The following NUBPL variants were observed in gnomAD, a reference collection of about 807,000 sequenced individuals.
NUBPL encodes the protein NUBP iron-sulfur cluster assembly factor, mitochondrial.
NUBPL carries 31 observed loss-of-function variants against 45.7 expected under a neutral mutation model. The observed-to-expected ratio is 0.68, with a 90% CI of 0.51 to 0.92. The LOEUF (loss-of-function observed/expected upper bound fraction) is 0.92, where lower values mean the gene tolerates loss of function less well. Ranked by LOEUF, NUBPL falls within the 40% of genes least tolerant of loss-of-function variation. The pLI, the probability that NUBPL is intolerant of heterozygous loss-of-function variation, is 0.00. For missense variants in NUBPL, 401 were observed against 398.7 expected (o/e 1.01, Z -0.05); for synonymous variants, 144 against 140.9 (o/e 1.02, Z -0.15).
chr14:31,757,200 A>G (rs1317619336), intron 6 of NUBPL, among the ~76,000 whole-genome samples: 7 of 119,988 alleles, frequency 5.8e-5, no homozygotes, highest in Non-Finnish European at 3.9e-5. Context: ...TGGTATCAGG[A>G]TGATGCTGGC....
In NUBPL at chr14:31,791,145, A is replaced by G. The variant is rs115478340; in HGVS notation, c.607+3272A>G. 6.6e-3 allele frequency among the ~76,000 whole-genome samples: 992 copies of G among 150,536 alleles called. 11 individuals carry two copies. Among genetic ancestry groups the G allele is most frequent in the African/African-American group, 0.023 (929 of 40,994 alleles). The stretch of plus-strand genomic sequence containing the variant: ...CAAAAAAAGTTAGCTGGGAGTGGTG[A>G]CGTGCACTTGTGGTCCCAGCTACTT... On this transcript the variant is annotated intron_variant, in intron 7 of 10. Coordinates refer to ENST00000281081, the MANE Select transcript of NUBPL (RefSeq NM_025152.3).
intron 3 of NUBPL, among the ~76,000 whole-genome samples, chr14:31,586,541 T>C (rs1221862494): frequency 6.6e-6 from 1 of 152,212 alleles, no homozygotes; most frequent in East Asian, 1.9e-4. Context: ...TTCTGTTTGC[T>C]TAATTCTTAT....
chr14:31,748,248 T>G (rs1227156677), intron 6 of NUBPL, among the ~76,000 whole-genome samples: 4 of 152,254 alleles, frequency 2.6e-5, no homozygotes, highest in Non-Finnish European at 5.9e-5. Context: ...ATGGTCCATG[T>G]GCTGATGAGA....
chr14:31,831,987 G>A (rs913324987), intron 8 of NUBPL, among the ~76,000 whole-genome samples: 2 of 152,134 alleles, frequency 1.3e-5, no homozygotes, highest in African/African-American at 2.4e-5. Context: ...CCAACAGATC[G>A]TGAAATTGAT....
At position 31,735,072 on chromosome 14, in the gene NUBPL, G is replaced by T. The variant is rs573105933; in HGVS notation, c.514-52708G>T. Reference sequence around the variant, plus strand: ...TAGAAGGTGTTTAGTAGCATCTTTGGCTTCTGTCTTCTAACTGTCCATAGC... The same window carrying T: ...TAGAAGGTGTTTAGTAGCATCTTTGTCTTCTGTCTTCTAACTGTCCATAGC... On this transcript the variant is annotated intron_variant, in intron 6 of 10. Transcript: ENST00000281081. Among the ~76,000 whole-genome samples the T allele has an allele frequency of 3.3e-5, 5 of 151,984 alleles. No homozygotes were observed. The South Asian group carries it at 1.0e-3, about 31-fold the overall frequency.
At chr14:31,810,544 A>C (rs1362626156) in intron 7 of NUBPL, among the ~76,000 whole-genome samples, 1 of 152,124 alleles carries the variant, frequency 6.6e-6, no homozygotes, top group African/African-American at 2.4e-5. Flanking sequence ...TGAATACAGC[A>C]CACTGATGGG....
At chr14:31,716,640 T>C (rs1236990906) in intron 6 of NUBPL, among the ~76,000 whole-genome samples, 1 of 152,232 alleles carries the variant, frequency 6.6e-6, no homozygotes, top group Non-Finnish European at 1.5e-5. Context: ...GTCTAAAACC[T>C]CTGCAATTCA....
intron 6 of NUBPL, among the ~76,000 whole-genome samples, chr14:31,679,754 G>A (rs1277307856): frequency 2.0e-5 from 3 of 151,918 alleles, no homozygotes; most frequent in African/African-American, 2.4e-5. Context: ...ACTTTTCTAT[G>A]TATTTTAGAT....
chr14:31,575,814 A>C (rs894150432), intron 3 of NUBPL, among the ~76,000 whole-genome samples: 2 of 152,316 alleles, frequency 1.3e-5, no homozygotes, highest in African/African-American at 2.4e-5. Flanking sequence ...TTTTGGAGGA[A>C]AGGTATGCTA....
chr14:31,642,645 C>G (rs558999604), intron 4 of NUBPL, among the ~76,000 whole-genome samples: 1 of 152,196 alleles, frequency 6.6e-6, no homozygotes, highest in South Asian at 2.1e-4. Flanking sequence ...GTTCTTTGTG[C>G]TCAGGGTTGT....
At chr14:31,680,203 C>A (rs1322528996) in intron 6 of NUBPL, among the ~76,000 whole-genome samples, 2 of 152,106 alleles carry the variant, frequency 1.3e-5, no homozygotes, top group Non-Finnish European at 2.9e-5. Flanking sequence ...TCTTCCTTTT[C>A]AATCCATTCC....
chr14:31,594,574 G>A (rs4981860), intron 3 of NUBPL, among the ~76,000 whole-genome samples: 44,684 of 151,322 alleles, frequency 0.3, 7,413 homozygotes, highest in South Asian at 0.41. Context: ...TTTCTTTTAT[G>A]CTGCTGTGTT....
In NUBPL at chr14:31,612,605, G is replaced by A. The variant is rs757226015; in HGVS notation, c.382+13226G>A. Among the ~76,000 whole-genome samples the A allele has an allele frequency of 2.6e-4, 39 of 151,430 alleles. 1 individual carries two copies. The highest frequency in any genetic ancestry group is 1.3e-4 in the Admixed American group (2 of 15,206). ...GAACCCAGGAGGCGGAGGTTGCAGT[G>A]AGCCAAGATCGTGCCACTGCACTCC... On this transcript the variant is annotated intron_variant, in intron 4 of 10. Transcript: ENST00000281081.
chr14:31,666,248 T>C (rs376037578), intron 4 of NUBPL, among the ~76,000 whole-genome samples: 5,186 of 39,748 alleles, frequency 0.13, 413 homozygotes, highest in African/African-American at 0.27. Flanking sequence ...TATATATATA[T>C]ATATATATAT....
chr14:31,664,588 C>A (rs1164823698), intron 4 of NUBPL, among the ~76,000 whole-genome samples: 2 of 152,190 alleles, frequency 1.3e-5, no homozygotes, highest in Non-Finnish European at 2.9e-5. Context: ...ATGAAGCCAA[C>A]TTGATCGTGG....
intron 4 of NUBPL, among the ~76,000 whole-genome samples, chr14:31,634,386 A>G (rs966580074): frequency 3.0e-4 from 46 of 151,132 alleles, no homozygotes; most frequent in African/African-American, 4.4e-4. Flanking sequence ...ATGATTTCCA[A>G]TTTCATCCAT....
At chr14:31,825,311 C>T (rs1274887145) in intron 7 of NUBPL, among the ~76,000 whole-genome samples, 3 of 152,172 alleles carry the variant, frequency 2.0e-5, no homozygotes, top group African/African-American at 7.2e-5. Context: ...CATTTTCTCT[C>T]CTAGATTGAA....
intron 4 of NUBPL, among the ~76,000 whole-genome samples, chr14:31,632,860 T>G (rs771672122): frequency 2.0e-5 from 3 of 152,192 alleles, no homozygotes; most frequent in Non-Finnish European, 4.4e-5. Flanking sequence ...GAAGAAAATA[T>G]TCACGTCCAT....
intron 10 of NUBPL, among the ~76,000 whole-genome samples, chr14:31,851,045 C>T (rs183735207): frequency 1.3e-5 from 2 of 152,254 alleles, no homozygotes; most frequent in African/African-American, 4.8e-5. Context: ...TTCAAAATTA[C>T]TGCCACATAA....
Sources: gnomAD v4.1 joint callset for allele counts (sites outside exome capture counted in the v4.1 genomes callset) on GRCh38, gnomAD v4.1.1 for gene constraint, MANE v1.5 for transcripts, NCBI Gene and HGNC (gene_info 2026-07-23, HGNC 2026-07-21) for gene names.